DET1: variants seen among roughly 807,000 people sequenced by gnomAD.
DET1 encodes the protein DET1 homolog.
In DET1, 22 loss-of-function variants were observed where a neutral mutation model predicts 43.7. The ratio of observed to expected loss-of-function variants is 0.50; its 90% confidence interval spans 0.36 to 0.72. DET1 has a LOEUF of 0.72. Ranked by LOEUF, DET1 falls within the 30% of genes least tolerant of loss-of-function variation. The pLI, the probability that DET1 is intolerant of heterozygous loss-of-function variation, is 0.00. For synonymous variants in DET1, 315 were observed against 266.2 expected (o/e 1.18, Z -1.79); for missense variants, 713 against 713.3 (o/e 1.00, Z 0.00).
intron 1 of DET1, among the ~76,000 whole-genome samples, chr15:88,541,865 G>A (rs1362456149): frequency 6.6e-6 from 1 of 152,108 alleles, no homozygotes; most frequent in Non-Finnish European, 1.5e-5. Flanking sequence ...AAGAAGGGAG[G>A]ACATGTCTCT....
At chr15:88,513,168 A>G (rs764097765) in intron 4 of DET1, 28 bp from the exon 5 acceptor site, 1 of 1,578,916 alleles carries the variant, frequency 6.3e-7, no homozygotes, top group East Asian at 2.3e-5. Context: ...AGAGACAGAG[A>G]AAGAGGGGAC....
At chr15:88,522,906 G>A (rs569739453) in intron 3 of DET1, among the ~76,000 whole-genome samples, 6 of 148,098 alleles carry the variant, frequency 4.1e-5, no homozygotes, top group Non-Finnish European at 7.4e-5. Flanking sequence ...TTTTGAGATA[G>A]GGTCTTACTT....
chr15:88,530,928 A>G lies in DET1; in HGVS notation c.778T>C (p.Cys260Arg). The stretch of plus-strand genomic sequence containing the variant: ...ACAGTGAGCAGGTCATCCTCATAGC[A>G]AAAGCGGCCAATGGTCCGCACATCA... ...FIDVRTIGRF[C>R]YEDDLLTVSA... Residue 260 changes from cysteine (C) to arginine (R), a missense_variant, in exon 2 of 5, where the codon TGC (cysteine) becomes CGC (arginine). By Grantham distance (180) the Cys-to-Arg change is radical (BLOSUM62 -3). Transcript: ENST00000268148. 6.2e-7 allele frequency: 1 copy of G among 1,614,044 alleles called. No individual in the cohort carries two copies.
intron 1 of DET1, among the ~76,000 whole-genome samples, chr15:88,534,601 C>T (rs894122348): frequency 3.3e-5 from 5 of 152,136 alleles, no homozygotes; most frequent in African/African-American, 1.2e-4. Context: ...TCATGAACTC[C>T]CAAGCTGCAC....
Position 88,516,658 on chromosome 15 carries a change from C to T in DET1, c.1463+124G>A. ...TCACTGCATTATAGAAATAGCCTGC[C>T]TTTTCAACCTTACCCATGAGTACGA... On this transcript the variant is annotated intron_variant, in intron 4 of 4. Coordinates refer to ENST00000268148, the MANE Select transcript of DET1 (RefSeq NM_001144074.3). The surrounding 1 kb of genome is among the most constrained non-coding windows in gnomAD (Gnocchi z 4.4). 1 of 826,646 alleles carries T rather than the reference C, an allele frequency of 1.2e-6. No homozygotes were observed. Among genetic ancestry groups the T allele is most frequent in the Non-Finnish European group, 1.8e-6 (1 of 570,500 alleles). The allele number at this position is 826,646 out of a possible 1,614,324, so 51.2% of individuals were successfully genotyped here. A position where few individuals can be genotyped will look rare whatever the true frequency, so the allele number is the denominator to read the frequency against.
intron 3 of DET1, among the ~76,000 whole-genome samples, chr15:88,524,184 G>C (rs903913368): frequency 6.6e-6 from 1 of 151,978 alleles, no homozygotes; most frequent in Admixed American, 6.5e-5. Context: ...TCTGGGAACT[G>C]AGGAGTGTCT....
chr15:88,506,577 G>T (rs1248103516), intron 7 of DET1, among the ~76,000 whole-genome samples: 1 of 151,792 alleles, frequency 6.6e-6, no homozygotes, highest in Non-Finnish European at 1.5e-5. Context: ...AACCGTTTAT[G>T]CTGATTACCA....
intron 4 of DET1, among the ~76,000 whole-genome samples, chr15:88,515,382 T>C (rs929739569): frequency 6.6e-6 from 1 of 151,010 alleles, no homozygotes; most frequent in South Asian, 2.1e-4. Context: ...TCTACAAAAA[T>C]ACAAAAATTA....
downstream of DET1, among the ~76,000 whole-genome samples, chr15:88,507,626 T>A (rs531691512): frequency 6.6e-6 from 1 of 152,232 alleles, no homozygotes; most frequent in Admixed American, 6.5e-5. Flanking sequence ...TTCAGGTCAA[T>A]GGTACAATGA....
At position 88,531,568 on chromosome 15, in the gene DET1, G is replaced by A; in HGVS notation, c.138C>T (p.Val46=). 6.2e-7 allele frequency: 1 copy of A among 1,614,014 alleles called. No homozygotes were observed. ...WHQVRVFHQN[V]FPNFTVVNVE... ...CGTTGACAACTGTGAAGTTGGGGAA[G>A]ACATTCTGATGGAACACTCGGACTT... is the stretch of plus-strand genomic sequence containing the variant. The change falls in exon 2 of 5, where the codon GTC becomes GTT. Residue 46 remains valine, a synonymous_variant. Coordinates refer to ENST00000268148, the MANE Select transcript of DET1 (RefSeq NM_001144074.3). This position sits in a 1 kb window ranked among gnomAD's most constrained non-coding sequence, Gnocchi z 6.2.
intron 1 of DET1, among the ~76,000 whole-genome samples, chr15:88,543,354 C>T (rs571442734): frequency 5.8e-4 from 88 of 152,336 alleles, no homozygotes; most frequent in Non-Finnish European, 9.1e-4. Context: ...GCTGTAGAGA[C>T]TTTACTACAA....
chr15:88,519,965 T>C (rs1270093731), intron 3 of DET1, among the ~76,000 whole-genome samples: 1 of 152,178 alleles, frequency 6.6e-6, no homozygotes, highest in Non-Finnish European at 1.5e-5. Flanking sequence ...GCTTACTTTG[T>C]TACTAACAAA....
intron 3 of DET1, among the ~76,000 whole-genome samples, chr15:88,525,593 C>T (rs937922289): frequency 6.6e-6 from 1 of 152,184 alleles, no homozygotes; most frequent in African/African-American, 2.4e-5. Flanking sequence ...GACAAAATCC[C>T]TGCCCTCATG....
chr15:88,544,719 C>A (rs1487713975), intron 1 of DET1, among the ~76,000 whole-genome samples: 1 of 152,162 alleles, frequency 6.6e-6, no homozygotes, highest in South Asian at 2.1e-4. Context: ...CCAACAGAGC[C>A]CTACTAAAAA....
intron 1 of DET1, among the ~76,000 whole-genome samples, chr15:88,533,852 T>TAAAAAAAAAAAAAA (rs368408722): frequency 1.2e-3 from 48 of 39,202 alleles, no homozygotes; most frequent in African/African-American, 3.2e-3. Context: ...ACCCAATCTC[T>TAAAAAAAAAAAAAA]AAAAAAAAAA....
intron 2 of DET1, among the ~76,000 whole-genome samples, chr15:88,530,245 C>G (rs1396004565): frequency 6.6e-6 from 1 of 152,178 alleles, no homozygotes; most frequent in South Asian, 2.1e-4. Flanking sequence ...TACTCATTCT[C>G]ATTGCCAGAA....
intron 1 of DET1, among the ~76,000 whole-genome samples, chr15:88,541,325 G>C (rs1205509713): frequency 6.6e-6 from 1 of 151,932 alleles, no homozygotes; most frequent in Non-Finnish European, 1.5e-5. Flanking sequence ...TCCTCTTTGA[G>C]AAACACCCAC....
chr15:88,545,748 ACT>A (rs201394303), intron 1 of DET1, among the ~76,000 whole-genome samples: 8 of 151,432 alleles, frequency 5.3e-5, no homozygotes, highest in East Asian at 1.9e-4. Context: ...GTTTTTACTA[ACT>A]CTGTTTTTAG....
At chr15:88,535,983 C>T (rs1317371829) in intron 1 of DET1, among the ~76,000 whole-genome samples, 1 of 152,028 alleles carries the variant, frequency 6.6e-6, no homozygotes, top group Non-Finnish European at 1.5e-5. Context: ...AAATCCATGC[C>T]CAGGCACATC....
Sources: allele counts gnomAD v4.1 joint callset (sites outside exome capture counted in the v4.1 genomes callset), GRCh38; gene constraint gnomAD v4.1.1; non-coding constraint Gnocchi (gnomAD v3.1); transcripts MANE v1.5; gene names NCBI Gene and HGNC (gene_info 2026-07-23, HGNC 2026-07-21).